HACL1: variants seen among roughly 807,000 people sequenced by gnomAD.
HACL1 encodes the protein 2-hydroxyacyl-CoA lyase 1.
Under a neutral mutation model 74.2 loss-of-function variants are expected in HACL1, and 64 were observed. The ratio of observed to expected loss-of-function variants is 0.86; its 90% CI spans 0.70 to 1.06. The LOEUF is 1.06. HACL1 is among the 50% of genes least tolerant of loss of function. HACL1 has a pLI of 0.00. For synonymous variants in HACL1, 230 were observed against 238.8 expected (o/e 0.96, Z 0.34); for missense variants, 728 against 719.7 (o/e 1.01, Z -0.13).
At chr3:15,573,098 T>C (rs1010375979) in intron 11 of HACL1, 61 bp downstream of exon 11, 10 of 905,874 alleles carry the variant, frequency 1.1e-5, no homozygotes, top group East Asian at 4.8e-5. Flanking sequence ...GATTAAAACA[T>C]TTTCAAGAAT....
intron 3 of HACL1, 66 bp from the exon 4 acceptor site, chr3:15,591,746 G>C: frequency 1.0e-6 from 1 of 986,444 alleles, no homozygotes; most frequent in Admixed American, 2.0e-5. Flanking sequence ...ACACTTTAGT[G>C]TGAAACATGG....
intron 9 of HACL1, among the ~76,000 whole-genome samples, 178 bp downstream of exon 9, chr3:15,579,732 T>C (rs528929162): frequency 2.0e-5 from 3 of 152,176 alleles, no homozygotes; most frequent in Non-Finnish European, 2.9e-5. Flanking sequence ...AACAATAATT[T>C]GAATGACTGC....
At chr3:15,562,107 A>G (rs2063354744) in intron 16 of HACL1, among the ~76,000 whole-genome samples, 1 of 152,218 alleles carries the variant, frequency 6.6e-6, no homozygotes, top group Admixed American at 6.5e-5. Context: ...CTAGTTATAA[A>G]TCCATAAAGT....
chr3:15,597,246 G>A (rs1210930712), intron 2 of HACL1, among the ~76,000 whole-genome samples: 1 of 152,090 alleles, frequency 6.6e-6, no homozygotes, highest in Non-Finnish European at 1.5e-5. Flanking sequence ...AATTTCCAAA[G>A]GTCTGAGATT....
At position 15,585,206 on chromosome 3, in the gene HACL1, C is replaced by T. The variant is rs547443152; in HGVS notation, c.554+42G>A. 1.1e-4 allele frequency: 100 copies of T among 937,372 alleles called. No individual in the cohort carries two copies. The South Asian group carries it at 1.3e-3, about 12-fold the overall frequency. 58.1% of individuals were successfully genotyped at this position (937,372 alleles called of 1,614,324 possible). A position where few individuals can be genotyped will look rare whatever the true frequency, so the allele number is the denominator to read the frequency against. On this transcript the variant is annotated intron_variant, in intron 7 of 16. Transcript: ENST00000321169. ...TAAAAAGGTAGGCATTATGATAATACATGTACATTGAAGAAAGAATTCCAG... is the reference window on the plus strand; with the variant it reads ...TAAAAAGGTAGGCATTATGATAATATATGTACATTGAAGAAAGAATTCCAG...
At chr3:15,592,551 T>TGTGCGTGTATACACATGTACGCACAC (rs1559561954) in intron 3 of HACL1, among the ~76,000 whole-genome samples, 63 of 124,734 alleles carry the variant, frequency 5.1e-4, no homozygotes, top group Middle Eastern at 4.2e-3. Flanking sequence ...TGTACGCACA[T>TGTGCGTGTATACACATGTACGCACAC]GTGTGCGTGT....
intron 14 of HACL1, among the ~76,000 whole-genome samples, chr3:15,565,327 G>A (rs73148162): frequency 0.031 from 4,728 of 152,212 alleles, 207 homozygotes; most frequent in African/African-American, 0.097. Context: ...TTGGTTCCTA[G>A]GAACAGTGTT....
At chr3:15,575,108 A>G (rs767061683) in intron 9 of HACL1, 26 bp from the exon 10 acceptor site, 11 of 1,077,400 alleles carry the variant, frequency 1.0e-5, no homozygotes, top group South Asian at 2.6e-5. Flanking sequence ...ATATGAAAGT[A>G]TAACTACATT....
rs371310973 is a variant in HACL1, at chr3:15,601,076, G to C, written c.186+14C>G. On this transcript the variant is annotated intron_variant, in intron 2 of 16. Transcript: ENST00000321169. ...TTCCCAGTAACGCATTCAGCCACCT[G>C]AGTCCATACTCACCGCTTGCTCATT... is the stretch of plus-strand genomic sequence containing the variant. 5.3e-5 allele frequency: 81 copies of C among 1,529,886 alleles called. No homozygotes were observed. The highest frequency in any genetic ancestry group is 5.2e-4 in the Admixed American group (31 of 59,910). 94.8% of individuals were successfully genotyped at this position (1,529,886 alleles called of 1,614,324 possible).
rs765453549 is a variant in HACL1, at chr3:15,601,214, G to A, written c.82-20C>T. The A allele has an allele frequency of 6.9e-6, 11 of 1,585,300 alleles. No individual in the cohort carries two copies. The African/African-American group carries it at 1.1e-4, about 16-fold the overall frequency. On this transcript the variant is annotated intron_variant, in intron 1 of 16. Transcript: ENST00000321169. The stretch of plus-strand genomic sequence containing the variant: ...CACATCCTGAGGAACGAAGAACAGG[G>A]GAGTAAACTCCCAAGGCCCCACCAT...
At chr3:15,562,839 T>G (rs1038076987) in intron 16 of HACL1, among the ~76,000 whole-genome samples, 3 of 152,196 alleles carry the variant, frequency 2.0e-5, no homozygotes, top group African/African-American at 7.2e-5. Context: ...CAGTTGCATC[T>G]CCCTCTTCCT....
intron 8 of HACL1, among the ~76,000 whole-genome samples, chr3:15,582,546 AAAGG>A (rs2063731709): frequency 1.3e-5 from 2 of 152,224 alleles, no homozygotes; most frequent in Admixed American, 1.3e-4. Context: ...CTATGTGTAA[AAAGG>A]AATAGAAATG....
At position 15,567,909 on chromosome 3, in the gene HACL1, C is replaced by A. The variant is rs1370500925; in HGVS notation, c.1344G>T (p.Trp448Cys). 6.2e-6 allele frequency: 10 copies of A among 1,613,968 alleles called. No individual in the cohort carries two copies. The highest frequency in any genetic ancestry group is 8.5e-6 in the Non-Finnish European group (10 of 1,179,910). The change falls in exon 14 of 17, where the codon TGG (tryptophan) becomes TGT (cysteine). Residue 448 changes from tryptophan (W) to cysteine (C), a missense_variant. By Grantham distance (215) the Trp-to-Cys change is radical. Coordinates refer to ENST00000321169, the MANE Select transcript of HACL1 (RefSeq NM_012260.4). ...CACTGTCTCCTTCCACACAGATGATCCATTGCCCAGGGCTTCTATCTTTAG... is the reference window on the plus strand; with the variant it reads ...CACTGTCTCCTTCCACACAGATGATACATTGCCCAGGGCTTCTATCTTTAG... The part of the protein sequence containing the change: ...VVAKDRSPGQ[W>C]IICVEGDSAF...
chr3:15,596,907 T>C (rs1159483317), intron 2 of HACL1, among the ~76,000 whole-genome samples: 1 of 152,154 alleles, frequency 6.6e-6, no homozygotes, highest in African/African-American at 2.4e-5. Context: ...CTTTTCTTTT[T>C]CTAGCTTCTT....
At chr3:15,561,157 A>G (rs138142711) in intron 16 of HACL1, among the ~76,000 whole-genome samples, 21 of 152,348 alleles carry the variant, frequency 1.4e-4, no homozygotes, top group Non-Finnish European at 2.9e-4. Flanking sequence ...CTATAGTCTA[A>G]AAGAACCAGA....
intron 14 of HACL1, among the ~76,000 whole-genome samples, chr3:15,567,347 T>C (rs1472840719): frequency 2.6e-5 from 4 of 151,824 alleles, no homozygotes; most frequent in Admixed American, 1.3e-4. Context: ...GTAGCTGGGA[T>C]TACAGGCATG....
At position 15,601,077 on chromosome 3, in the gene HACL1, AGTC is replaced by A. The variant is rs746275533; in HGVS notation, c.186+10_186+12del. On this transcript the variant is annotated intron_variant, in intron 2 of 16. Coordinates refer to ENST00000321169, the MANE Select transcript of HACL1 (RefSeq NM_012260.4). ...TCCCAGTAACGCATTCAGCCACCTG[AGTC>A]CATACTCACCGCTTGCTCATTCCTC... 7.8e-6 allele frequency: 12 copies of A among 1,535,740 alleles called. No individual in the cohort carries two copies. The highest frequency in any genetic ancestry group is 1.1e-5 in the Non-Finnish European group (12 of 1,108,356).
At chr3:15,567,790 G>A in intron 14 of HACL1, 54 bp downstream of exon 14, 4 of 1,517,530 alleles carry the variant, frequency 2.6e-6, no homozygotes, top group Admixed American at 3.4e-5. Flanking sequence ...GGTCTTGTGT[G>A]TCATTTTTCA....
intron 6 of HACL1, among the ~76,000 whole-genome samples, chr3:15,586,283 A>C (rs2063792354): frequency 6.6e-6 from 1 of 152,210 alleles, no homozygotes. Flanking sequence ...ATAATTAAAA[A>C]GGTAATTTTA....
Sources: gnomAD v4.1 joint callset for allele counts (sites outside exome capture counted in the v4.1 genomes callset) on GRCh38, gnomAD v4.1.1 for gene constraint, MANE v1.5 for transcripts, NCBI Gene and HGNC (gene_info 2026-07-23, HGNC 2026-07-21) for gene names.